IQCH: variants seen among roughly 807,000 people sequenced by gnomAD.
The protein encoded by IQCH is IQ motif containing H, also known as IQ domain-containing protein H.
IQCH carries 98 observed loss-of-function variants against 117.0 expected under a neutral mutation model. That is an observed-to-expected ratio of 0.84 (90% confidence interval 0.71 to 0.99). IQCH has a LOEUF of 0.99. Among genes scored for constraint, IQCH ranks in the 50% least tolerant of loss-of-function variants. IQCH has a pLI of 0.00. For synonymous variants in IQCH, 412 were observed against 448.2 expected, an observed-to-expected ratio of 0.92 and a Z score of 1.02; for missense variants, 1,102 against 1,243.8, an observed-to-expected ratio of 0.89 and a Z score of 1.72.
At chr15:67,497,001 G>A (rs1338638169) in intron 20 of IQCH, among the ~76,000 whole-genome samples, 3 of 143,566 alleles carry the variant, frequency 2.1e-5, no homozygotes, top group Non-Finnish European at 4.6e-5. Context: ...GTCCGGCCTG[G>A]GCGACAGAGC....
chr15:67,405,150 C>A lies in IQCH; in HGVS notation c.2097+4845C>A, dbSNP rs1971836101. On this transcript the variant is annotated intron_variant, in intron 14 of 20. Transcript: ENST00000335894. This position sits in a 1 kb window ranked among gnomAD's most constrained non-coding sequence, Gnocchi z 4.8. ...GTGTTTTATATCAAAAATGCAAGAT[C>A]TTTATTTTTTAATCTAGATTTTCTA... The A allele has an allele frequency of 6.6e-6, 1 of 151,868 alleles. No individual in the cohort carries two copies. The highest frequency in any genetic ancestry group is 2.4e-5 in the African/African-American group (1 of 41,360). 9.4% of individuals were successfully genotyped at this position (151,868 alleles called of 1,614,324 possible).
rs1314422265 is a variant in IQCH, at chr15:67,359,354, A to G, written c.715-493A>G. On this transcript the variant is annotated intron_variant, in intron 7 of 20. Coordinates refer to ENST00000335894, the MANE Select transcript of IQCH (RefSeq NM_001031715.3). This position sits in a 1 kb window ranked among gnomAD's most constrained non-coding sequence, Gnocchi z 4.5. ...CAACTGCTGGAAACAGTAATATTTAATGACTTTTTCCTGTGGTCCCAGATT... is the reference window on the plus strand; with the variant it reads ...CAACTGCTGGAAACAGTAATATTTAGTGACTTTTTCCTGTGGTCCCAGATT... Among the ~76,000 whole-genome samples the G allele has an allele frequency of 3.3e-5, 5 of 152,274 alleles. No homozygotes were observed. Among genetic ancestry groups the G allele is most frequent in the Admixed American group, 6.5e-5 (1 of 15,290 alleles).
In IQCH at chr15:67,348,183, T is replaced by C. The variant is rs185178646; in HGVS notation, c.637+3992T>C. On this transcript the variant is annotated intron_variant, in intron 6 of 20. Coordinates refer to ENST00000335894, the MANE Select transcript of IQCH (RefSeq NM_001031715.3). ...TTGAATGAATGCTTTTCACCTAAGA[T>C]CAGGAACAAGACATGGTTGTGCACT... Among the ~76,000 whole-genome samples, 16 of 152,154 alleles carry C rather than the reference T, an allele frequency of 1.1e-4. No individual in the cohort carries two copies. The East Asian group carries it at 2.7e-3, about 26-fold the overall frequency.
At chr15:67,325,556 T>C (rs1968368505) in intron 4 of IQCH, among the ~76,000 whole-genome samples, 1 of 152,102 alleles carries the variant, frequency 6.6e-6, no homozygotes, top group South Asian at 2.1e-4. Context: ...TATGTACATA[T>C]AATTATTTAT....
At chr15:67,375,539 A>G (rs566639387) in intron 10 of IQCH, among the ~76,000 whole-genome samples, 19 of 152,210 alleles carry the variant, frequency 1.2e-4, no homozygotes, top group Non-Finnish European at 2.6e-4. Flanking sequence ...TGGATTACAC[A>G]TATTCAGTTT....
chr15:67,392,681 A>G (rs916728956), intron 12 of IQCH, among the ~76,000 whole-genome samples: 3 of 148,250 alleles, frequency 2.0e-5, no homozygotes, highest in African/African-American at 7.5e-5. Flanking sequence ...AGGGGCTAAG[A>G]TGGGAGGATC....
rs186299634 is a variant in IQCH at position 67,319,321 on chromosome 15, C to T, written c.388-17654C>T. The stretch of plus-strand genomic sequence containing the variant: ...ACAAGAAAAGTCCATGTTTATATTA[C>T]GCTCCAATCCTAGATCTGGCACTAA... On this transcript the variant is annotated intron_variant, in intron 4 of 20. Transcript: ENST00000335894. 6.8e-4 allele frequency among the ~76,000 whole-genome samples: 103 copies of T among 152,240 alleles called. 1 individual carries two copies. The highest frequency in any genetic ancestry group is 1.8e-3 in the African/African-American group (74 of 41,542).
chr15:67,314,450 G>T (rs1206444299), intron 4 of IQCH, among the ~76,000 whole-genome samples: 1 of 145,656 alleles, frequency 6.9e-6, no homozygotes, highest in African/African-American at 2.6e-5. Context: ...AAAGATGGGT[G>T]TGTTTCCAAA....
rs764880142 is a variant in IQCH at position 67,431,886 on chromosome 15, A to G, written c.2505+10309A>G. ...TCATCTCTAAAATTAAAAATAAAAA[A>G]TTAGTTGGGCATGGTGGCACACATC... On this transcript the variant is annotated intron_variant, in intron 16 of 20. Transcript: ENST00000335894. This position sits in a 1 kb window ranked among gnomAD's most constrained non-coding sequence, Gnocchi z 4.8. Among the ~76,000 whole-genome samples the G allele has an allele frequency of 2.0e-5, 3 of 152,086 alleles. No homozygotes were observed. Among genetic ancestry groups the G allele is most frequent in the Non-Finnish European group, 2.9e-5 (2 of 68,024 alleles).
intron 4 of IQCH, among the ~76,000 whole-genome samples, chr15:67,330,079 G>A (rs993860358): frequency 6.6e-6 from 1 of 151,846 alleles, no homozygotes; most frequent in Admixed American, 6.6e-5. Context: ...GTGGCTACTC[G>A]GCTCCCACCA....
At chr15:67,321,526 TTTCTTTCC>T (rs1292018062) in intron 4 of IQCH, among the ~76,000 whole-genome samples, 1 of 151,318 alleles carries the variant, frequency 6.6e-6, no homozygotes, top group Admixed American at 6.6e-5. Context: ...TCTTTCTTTC[TTTCTTTCC>T]TTCCTTCCTT....
At chr15:67,375,719 T>A (rs11633767) in intron 10 of IQCH, among the ~76,000 whole-genome samples, 69,434 of 151,164 alleles carry the variant, frequency 0.46, 16,395 homozygotes, top group Non-Finnish European at 0.52. Context: ...TTGCACACTT[T>A]CAAAAGAGAA....
At chr15:67,264,839 T>G (rs1358924786) in intron 3 of IQCH, among the ~76,000 whole-genome samples, 2 of 151,326 alleles carry the variant, frequency 1.3e-5, no homozygotes, top group Non-Finnish European at 2.9e-5. Flanking sequence ...GCTCACTCGC[T>G]CTCTCTCTCT....
chr15:67,323,294 G>A (rs1358699957), intron 4 of IQCH, among the ~76,000 whole-genome samples: 1 of 134,868 alleles, frequency 7.4e-6, no homozygotes, highest in Non-Finnish European at 1.5e-5. Context: ...CCAGGCTGGA[G>A]TGCAGTGGTG....
Position 67,480,145 on chromosome 15 carries a change from C to T in IQCH, c.2799+4327C>T, listed in dbSNP as rs74801493. ...CCACCATCCTAAATAGCTCCACAGT[C>T]ACCAGCAATCATTTCCTCTGGCCAG... On this transcript the variant is annotated intron_variant, in intron 18 of 20. Transcript: ENST00000335894. Among the ~76,000 whole-genome samples, 168 of 152,344 alleles carry T rather than the reference C, an allele frequency of 1.1e-3. No homozygotes were observed. In the East Asian group the frequency reaches 0.031, roughly 28 times the overall value.
In IQCH at chr15:67,443,986, G is replaced by T. The variant is rs1454563128; in HGVS notation, c.2506-21141G>T. ...TATTATGTGGCAAATCCAGGGTTCA[G>T]ACTGTGACTTATTTGGCTGCCAAGC... On this transcript the variant is annotated intron_variant, in intron 16 of 20. Coordinates refer to ENST00000335894, the MANE Select transcript of IQCH (RefSeq NM_001031715.3). The surrounding 1 kb of genome is among the most constrained non-coding windows in gnomAD (Gnocchi z 5.0). Among the ~76,000 whole-genome samples, 1 of 152,226 alleles carries T rather than the reference G, an allele frequency of 6.6e-6. No individual in the cohort carries two copies. The highest frequency in any genetic ancestry group is 1.5e-5 in the Non-Finnish European group (1 of 68,046).
intron 4 of IQCH, among the ~76,000 whole-genome samples, chr15:67,311,254 A>G (rs139286764): frequency 1.2e-4 from 18 of 152,202 alleles, no homozygotes; most frequent in African/African-American, 3.6e-4. Flanking sequence ...TAGTCATTCT[A>G]TTTTGAAACA....
At chr15:67,313,599 G>A (rs1437616643) in intron 4 of IQCH, among the ~76,000 whole-genome samples, 1 of 152,152 alleles carries the variant, frequency 6.6e-6, no homozygotes, top group East Asian at 1.9e-4. Flanking sequence ...AAAGGCAGAG[G>A]TAGAGAATAG....
intron 4 of IQCH, 122 bp from the exon 5 acceptor site, chr15:67,336,852 CT>C: frequency 1.2e-6 from 1 of 849,592 alleles, no homozygotes; most frequent in Non-Finnish European, 1.8e-6. Flanking sequence ...AAAATTGGAG[CT>C]GATATTGCTA....
Sources: gnomAD v4.1 joint callset for allele counts (sites outside exome capture counted in the v4.1 genomes callset) on GRCh38, gnomAD v4.1.1 for gene constraint, Gnocchi (gnomAD v3.1) non-coding constraint, MANE v1.5 for transcripts, NCBI Gene and HGNC (gene_info 2026-07-23, HGNC 2026-07-21) for gene names.